The following GABRR2 variants were observed in gnomAD, a reference collection of about 807,000 sequenced individuals.
GABRR2 encodes gamma-aminobutyric acid type A receptor subunit rho2.
In GABRR2, 36 loss-of-function variants were observed where a neutral mutation model predicts 47.0. The observed-to-expected ratio is 0.77, with a 90% CI of 0.59 to 1.01. The LOEUF (loss-of-function observed/expected upper bound fraction) is 1.01, where lower values mean the gene tolerates loss of function less well. GABRR2 is among the 50% of genes least tolerant of loss of function. The probability of loss-of-function intolerance (pLI) is 0.00; values close to 1 mark genes in which losing one functional copy is unlikely to be tolerated. For synonymous variants in GABRR2, 204 were observed against 227.5 expected, an observed-to-expected ratio of 0.90 and a Z score of 0.93; for missense variants, 587 against 594.6, an observed-to-expected ratio of 0.99 and a Z score of 0.13.
chr6:89,299,498 T>G (rs1172262426), intron 2 of GABRR2, among the ~76,000 whole-genome samples: 3 of 152,176 alleles, frequency 2.0e-5, no homozygotes, highest in Non-Finnish European at 4.4e-5. Context: ...GACAAAAAAG[T>G]TGGCAGCTGC....
chr6:89,268,243 A>C, intron 4 of GABRR2, 147 bp from the exon 5 acceptor site: 1 of 681,260 alleles, frequency 1.5e-6, no homozygotes, highest in Non-Finnish European at 2.7e-6. Context: ...GAGTTATAGA[A>C]CCTTAACTTC....
intron 1 of GABRR2, 51 bp from the exon 2 acceptor site, chr6:89,299,916 G>A: frequency 5.8e-6 from 7 of 1,201,846 alleles, no homozygotes; most frequent in Non-Finnish European, 8.7e-6. Context: ...AATGCATTGA[G>A]TGAGATGATT....
At chr6:89,304,368 G>A (rs527532261) in intron 1 of GABRR2, among the ~76,000 whole-genome samples, 106 of 152,120 alleles carry the variant, frequency 7.0e-4, no homozygotes, top group African/African-American at 2.5e-3. Flanking sequence ...TGAGGCAGGC[G>A]GATCACTTGA....
Position 89,299,766 on chromosome 6 carries a change from G to A in GABRR2, c.213C>T (p.Ala71=). The stretch of plus-strand genomic sequence containing the variant: ...AAGGAAGAACAGTCCTACCTCCGAA[G>A]GCGGGTCTCATGCTGAAGTCGTGCT... ...VDEHDFSMRP[A]FGGPAIPVGV... is the part of the protein sequence containing the mutation. The change falls in exon 2 of 9, where the codon GCC becomes GCT. Residue 71 remains alanine (A), a synonymous_variant. Coordinates refer to ENST00000402938, the MANE Select transcript of GABRR2 (RefSeq NM_002043.5). 6 of 1,612,702 alleles carry A rather than the reference G, an allele frequency of 3.7e-6. No homozygotes were observed. The highest frequency in any genetic ancestry group is 5.1e-6 in the Non-Finnish European group (6 of 1,178,694).
chr6:89,279,304 T>C (rs919768441), intron 2 of GABRR2, among the ~76,000 whole-genome samples: 3 of 152,072 alleles, frequency 2.0e-5, no homozygotes, highest in African/African-American at 7.2e-5. Context: ...CCTGTGTCCA[T>C]GGAGTCCCTG....
intron 2 of GABRR2, among the ~76,000 whole-genome samples, chr6:89,272,548 A>G (rs1196607604): frequency 6.6e-6 from 1 of 151,988 alleles, no homozygotes; most frequent in Non-Finnish European, 1.5e-5. Flanking sequence ...TTTTTTTTAA[A>G]CTTAGAAAGG....
In GABRR2 at chr6:89,269,196, C is replaced by T. The variant is rs1392445388; in HGVS notation, c.327G>A (p.Lys109=). Residue 109 remains lysine (K), a synonymous_variant, in exon 4 of 9, where the codon AAG becomes AAA. Coordinates refer to ENST00000402938, the MANE Select transcript of GABRR2 (RefSeq NM_002043.5). The stretch of plus-strand genomic sequence containing the variant: ...CGCTGGAGAAAGCTAGCCTCTCATC[C>T]TTCCAGTAATGCCGCAGGTACAGGG... ...TMTLYLRHYW[K]DERLAFSSAS... 2 of 1,614,044 alleles carry T rather than the reference C, an allele frequency of 1.2e-6. No individual in the cohort carries two copies. The highest frequency in any genetic ancestry group is 1.7e-6 in the Non-Finnish European group (2 of 1,179,898).
intron 2 of GABRR2, among the ~76,000 whole-genome samples, chr6:89,294,351 G>A (rs1428425097): frequency 7.9e-5 from 12 of 152,074 alleles, no homozygotes; most frequent in Admixed American, 1.3e-4. Context: ...TCACCATGTT[G>A]ACCAGGTTGG....
At chr6:89,275,397 C>T (rs1774140780) in intron 2 of GABRR2, among the ~76,000 whole-genome samples, 1 of 152,102 alleles carries the variant, frequency 6.6e-6, no homozygotes, top group Non-Finnish European at 1.5e-5. Context: ...CCTCAGCCTC[C>T]CAAGTAGCTG....
chr6:89,306,268 T>C (rs1357234917), intron 1 of GABRR2, among the ~76,000 whole-genome samples: 6 of 151,676 alleles, frequency 4.0e-5, no homozygotes, highest in African/African-American at 7.3e-5. Flanking sequence ...TCCCAGCAAA[T>C]TGAGAGGCTG....
chr6:89,295,959 TG>T (rs1047512958), intron 2 of GABRR2, among the ~76,000 whole-genome samples: 4 of 152,190 alleles, frequency 2.6e-5, no homozygotes, highest in Non-Finnish European at 4.4e-5. Context: ...ATTATTTCTG[TG>T]GGTTCTGTTC....
At chr6:89,309,277 G>A (rs1014838733) in intron 1 of GABRR2, among the ~76,000 whole-genome samples, 24 of 152,072 alleles carry the variant, frequency 1.6e-4, no homozygotes, top group Admixed American at 2.6e-4. Flanking sequence ...TCCTCCAGAC[G>A]TGTAGGTGGT....
At chr6:89,273,639 C>G (rs930814954) in intron 2 of GABRR2, among the ~76,000 whole-genome samples, 1 of 152,220 alleles carries the variant, frequency 6.6e-6, no homozygotes, top group African/African-American at 2.4e-5. Context: ...ATTAACCTAT[C>G]TTTCTCCCCT....
At chr6:89,277,815 G>A (rs12211653) in intron 2 of GABRR2, among the ~76,000 whole-genome samples, 1,707 of 138,688 alleles carry the variant, frequency 0.012, 17 homozygotes, top group Admixed American at 0.021. Flanking sequence ...CCAGGTGTTG[G>A]CAAGGATATG....
At chr6:89,271,839 T>G (rs554050275) in intron 2 of GABRR2, 117 bp from the exon 3 acceptor site, 15 of 754,558 alleles carry the variant, frequency 2.0e-5, no homozygotes, top group African/African-American at 1.9e-4. Flanking sequence ...GGCAGAGGTT[T>G]AGAATTCTAT....
At position 89,255,326 on chromosome 6, in the gene GABRR2, T is replaced by C. The variant is rs1424481673; in HGVS notation, c.*2344A>G. Among the ~76,000 whole-genome samples the C allele has an allele frequency of 6.6e-6, 1 of 152,182 alleles. No homozygotes were observed. The highest frequency in any genetic ancestry group is 2.1e-4 in the South Asian group (1 of 4,818). ...GGTGGCGCATGCCTGTAATCCCAGC[T>C]ACTCCAGGGCTGAGGCAGGAGAATT... is the stretch of plus-strand genomic sequence containing the variant. On this transcript the variant is annotated 3_prime_UTR_variant, in exon 9 of 9. Coordinates refer to ENST00000402938, the MANE Select transcript of GABRR2 (RefSeq NM_002043.5).
chr6:89,260,196 C>T (rs773783964), intron 8 of GABRR2, among the ~76,000 whole-genome samples: 3 of 152,188 alleles, frequency 2.0e-5, no homozygotes, highest in Non-Finnish European at 2.9e-5. Flanking sequence ...CATGCACCAC[C>T]ATGCCCAGCC....
intron 2 of GABRR2, among the ~76,000 whole-genome samples, chr6:89,293,237 T>A (rs944589301): frequency 1.3e-5 from 2 of 152,310 alleles, no homozygotes; most frequent in Middle Eastern, 3.4e-3. Flanking sequence ...ATGATGTTGT[T>A]AGAATAGTCA....
intron 8 of GABRR2, among the ~76,000 whole-genome samples, chr6:89,259,882 TC>T (rs201448791): frequency 0.075 from 2,711 of 36,170 alleles, 18 homozygotes; most frequent in African/African-American, 0.23. Context: ...TCTCTCTCTC[TC>T]TTTTTTTTTT....
Sources: allele counts gnomAD v4.1 joint callset (sites outside exome capture counted in the v4.1 genomes callset), GRCh38; gene constraint gnomAD v4.1.1; transcripts MANE v1.5; gene names NCBI Gene and HGNC (gene_info 2026-07-23, HGNC 2026-07-21).